The following MCC variants were observed in gnomAD, a reference collection of about 807,000 sequenced individuals.
MCC encodes MCC regulator of Wnt signaling pathway, also known as colorectal mutant cancer protein.
Under a neutral mutation model 116.2 loss-of-function variants are expected in MCC, and 90 were observed. The ratio of observed to expected loss-of-function variants is 0.77; its 90% CI spans 0.65 to 0.92. MCC has a LOEUF of 0.92. MCC is among the 40% of genes least tolerant of loss of function. The pLI, the probability that MCC is intolerant of heterozygous loss-of-function variation, is 0.00. For missense variants in MCC, 1,516 were observed against 1,312.2 expected, an observed-to-expected ratio of 1.16 and a Z score of -2.40; for synonymous variants, 578 against 510.5, an observed-to-expected ratio of 1.13 and a Z score of -1.78.
chr5:113,050,480 A>C (rs1752416635), intron 15 of MCC, among the ~76,000 whole-genome samples: 1 of 152,158 alleles, frequency 6.6e-6, no homozygotes, highest in African/African-American at 2.4e-5. Flanking sequence ...TTCACTCTCA[A>C]ATGTGGGGAA....
intron 3 of MCC, among the ~76,000 whole-genome samples, chr5:113,330,894 C>T (rs1042497150): frequency 1.2e-4 from 18 of 152,328 alleles, no homozygotes; most frequent in African/African-American, 3.8e-4. Context: ...AGTGATATGA[C>T]GGCTTCCTAC....
chr5:113,293,584 C>T (rs1215682450), intron 3 of MCC, among the ~76,000 whole-genome samples: 1 of 152,102 alleles, frequency 6.6e-6, no homozygotes, highest in African/African-American at 2.4e-5. Flanking sequence ...TCCCTAAAAT[C>T]ATGAAAAAAG....
chr5:113,359,773 G>A (rs556852750), intron 2 of MCC, among the ~76,000 whole-genome samples: 2 of 152,140 alleles, frequency 1.3e-5, no homozygotes, highest in South Asian at 4.2e-4. Flanking sequence ...AGGTATTAAA[G>A]CAAATAAATT....
chr5:113,405,821 AAG>A (rs1769816932), intron 1 of MCC, among the ~76,000 whole-genome samples: 1 of 152,130 alleles, frequency 6.6e-6, no homozygotes, highest in Non-Finnish European at 1.5e-5. Context: ...AAAAAGAAAA[AAG>A]AAAAAAAAGT....
At chr5:113,479,359 G>A (rs1393922319) in intron 1 of MCC, among the ~76,000 whole-genome samples, 1 of 152,148 alleles carries the variant, frequency 6.6e-6, no homozygotes, top group Non-Finnish European at 1.5e-5. Flanking sequence ...GGAAACTTGT[G>A]TTATGAAAAT....
At chr5:113,188,294 C>T (rs1380490062) in intron 3 of MCC, among the ~76,000 whole-genome samples, 1 of 152,164 alleles carries the variant, frequency 6.6e-6, no homozygotes, top group African/African-American at 2.4e-5. Flanking sequence ...AGCTGTCAAA[C>T]TAAATTCTTC....
chr5:113,371,863 A>G (rs1365688165), intron 2 of MCC, among the ~76,000 whole-genome samples: 3 of 152,252 alleles, frequency 2.0e-5, no homozygotes, highest in African/African-American at 7.2e-5. Context: ...CAGATTCTGT[A>G]GAATGAACAA....
chr5:113,049,055 C>T (rs1460236896), intron 16 of MCC, 38 bp downstream of exon 16: 10 of 1,596,034 alleles, frequency 6.3e-6, no homozygotes, highest in Non-Finnish European at 8.6e-6. Flanking sequence ...TGGGCAGTCA[C>T]TGAGCCTAAG....
intron 1 of MCC, among the ~76,000 whole-genome samples, chr5:113,425,347 G>A (rs1157952755): frequency 6.6e-6 from 1 of 152,134 alleles, no homozygotes; most frequent in Admixed American, 6.6e-5. Flanking sequence ...CAAAACATTA[G>A]CTGTCACATA....
chr5:113,297,221 C>T (rs543629235), intron 3 of MCC, among the ~76,000 whole-genome samples: 6 of 152,092 alleles, frequency 3.9e-5, no homozygotes, highest in Admixed American at 6.6e-5. Flanking sequence ...TAAGAAGGGA[C>T]GGCTGGCATG....
chr5:113,409,757 A>T (rs1346692508), intron 1 of MCC, among the ~76,000 whole-genome samples: 2 of 152,136 alleles, frequency 1.3e-5, no homozygotes, highest in Non-Finnish European at 2.9e-5. Context: ...TTCCCACCCC[A>T]CTCCAATACT....
chr5:113,284,657 G>C (rs1290408099), intron 3 of MCC, among the ~76,000 whole-genome samples: 1 of 152,130 alleles, frequency 6.6e-6, no homozygotes, highest in Non-Finnish European at 1.5e-5. Flanking sequence ...AAATGGTTAG[G>C]ACAAGATATC....
intron 11 of MCC, among the ~76,000 whole-genome samples, chr5:113,080,590 G>T (rs899450251): frequency 2.0e-5 from 3 of 152,082 alleles, no homozygotes; most frequent in Non-Finnish European, 4.4e-5. Context: ...ACTCATAGGT[G>T]GGAATTGAAC....
chr5:113,230,133 C>G lies in MCC; in HGVS notation c.628-78711G>C, dbSNP rs535266612. 2.0e-5 allele frequency among the ~76,000 whole-genome samples: 3 copies of G among 152,276 alleles called. No individual in the cohort carries two copies. The South Asian group carries it at 6.2e-4, about 32-fold the overall frequency. ...AATGGCCATTGTAGAGTTAAATTGC[C>G]TAATCCTTTTTCCTACAAAATTAGG... On this transcript the variant is annotated intron_variant, in intron 3 of 18. Coordinates refer to ENST00000408903, the MANE Select transcript of MCC (RefSeq NM_001085377.2).
At position 113,202,334 on chromosome 5, in the gene MCC, T is replaced by G. The variant is rs192374557; in HGVS notation, c.628-50912A>C. ...CTTTTTACTAGTCCCTTAAAAAACTTGCTTAGGCCAAGCAGCCACTCTTTA... is the reference window on the plus strand; with the variant it reads ...CTTTTTACTAGTCCCTTAAAAAACTGGCTTAGGCCAAGCAGCCACTCTTTA... On this transcript the variant is annotated intron_variant, in intron 3 of 18. Transcript: ENST00000408903. Among the ~76,000 whole-genome samples, 47 of 152,268 alleles carry G rather than the reference T, an allele frequency of 3.1e-4. 1 individual carries two copies. The highest frequency in any genetic ancestry group is 6.8e-3 in the Middle Eastern group (2 of 294).
chr5:113,235,551 G>C (rs183481353), intron 3 of MCC, among the ~76,000 whole-genome samples: 2 of 152,306 alleles, frequency 1.3e-5, no homozygotes, highest in East Asian at 3.9e-4. Flanking sequence ...ACTGAGTGGG[G>C]AAACACAAAT....
chr5:113,180,595 C>G (rs1761575969), intron 3 of MCC, among the ~76,000 whole-genome samples: 1 of 152,126 alleles, frequency 6.6e-6, no homozygotes, highest in Admixed American at 6.5e-5. Flanking sequence ...GACCACTTAA[C>G]AAAAATGCTT....
chr5:113,028,447 A>G (rs1750730999), intron 18 of MCC, among the ~76,000 whole-genome samples: 2 of 152,162 alleles, frequency 1.3e-5, no homozygotes, highest in Non-Finnish European at 2.9e-5. Flanking sequence ...TTCTAACATG[A>G]GAAGTATCAA....
chr5:113,391,363 C>G (rs1296316269), intron 1 of MCC, among the ~76,000 whole-genome samples: 2 of 152,046 alleles, frequency 1.3e-5, no homozygotes, highest in African/African-American at 4.8e-5. Flanking sequence ...AGAAGTGGGG[C>G]TGAAAACAGT....
Sources: gnomAD v4.1 joint callset for allele counts (sites outside exome capture counted in the v4.1 genomes callset) on GRCh38, gnomAD v4.1.1 for gene constraint, MANE v1.5 for transcripts, NCBI Gene and HGNC (gene_info 2026-07-23, HGNC 2026-07-21) for gene names.